Variants in ATP8A2 observed in about 807,000 individuals in gnomAD.
ATP8A2 encodes phospholipid-transporting ATPase IB.
In ATP8A2, 100 loss-of-function variants were observed where a neutral mutation model predicts 165.6. That is an observed-to-expected ratio of 0.60 (90% CI 0.51 to 0.71). The LOEUF (loss-of-function observed/expected upper bound fraction) is 0.71, where lower values mean the gene tolerates loss of function less well. Among genes scored for constraint, ATP8A2 ranks in the 30% least tolerant of loss-of-function variants. The pLI, the probability that ATP8A2 is intolerant of heterozygous loss-of-function variation, is 0.00. For synonymous variants in ATP8A2, 543 were observed against 548.8 expected (o/e 0.99, Z 0.15); for missense variants, 1,227 against 1,479.5 (o/e 0.83, Z 2.80).
At chr13:25,922,135 T>C (rs1954477834) in intron 33 of ATP8A2, among the ~76,000 whole-genome samples, 1 of 152,204 alleles carries the variant, frequency 6.6e-6, no homozygotes, top group Admixed American at 6.5e-5. Context: ...ACATCATCAA[T>C]AAAAGTTCTC....
At chr13:25,427,692 G>A (rs1280824019) in intron 1 of ATP8A2, among the ~76,000 whole-genome samples, 2 of 151,980 alleles carry the variant, frequency 1.3e-5, no homozygotes, top group Admixed American at 1.3e-4. Flanking sequence ...TCAAGAGATC[G>A]AGACCATGCT....
At chr13:25,879,377 G>A (rs1952907894) in intron 33 of ATP8A2, among the ~76,000 whole-genome samples, 1 of 152,128 alleles carries the variant, frequency 6.6e-6, no homozygotes, top group Non-Finnish European at 1.5e-5. Context: ...ATGCCAGCCA[G>A]GATCTTTGGT....
At chr13:25,970,695 A>G (rs574705794) in intron 35 of ATP8A2, among the ~76,000 whole-genome samples, 103 of 152,308 alleles carry the variant, frequency 6.8e-4, no homozygotes, top group Middle Eastern at 3.4e-3. Context: ...TGCCTGACCC[A>G]TCTCAGGTGT....
intron 24 of ATP8A2, among the ~76,000 whole-genome samples, chr13:25,672,391 C>T (rs1423534220): frequency 6.6e-6 from 1 of 152,160 alleles, no homozygotes; most frequent in African/African-American, 2.4e-5. Flanking sequence ...GGCTGCCTCT[C>T]ACAACATCAC....
At chr13:25,658,511 CACCTGTAATCCCAGCT>C (rs1240902900) in intron 24 of ATP8A2, among the ~76,000 whole-genome samples, 4 of 152,058 alleles carry the variant, frequency 2.6e-5, no homozygotes, top group Admixed American at 2.0e-4. Context: ...TGGTGGTGCG[CACCTGTAATCCCAGCT>C]ACTTGGGAGG....
In ATP8A2 at chr13:25,520,474, T is replaced by C. The variant is rs78365634; in HGVS notation, c.222-9525T>C. Among the ~76,000 whole-genome samples, 16 of 152,346 alleles carry C rather than the reference T, an allele frequency of 1.1e-4. No individual in the cohort carries two copies. In the East Asian group the frequency reaches 2.7e-3, roughly 26 times the overall value. ...TTTTGGCTACTGTAAATATGCTGAA[T>C]AGTGCTGCAATAAATATGACAGTGC... On this transcript the variant is annotated intron_variant, in intron 2 of 36. Coordinates refer to ENST00000381655, the MANE Select transcript of ATP8A2 (RefSeq NM_016529.6).
At chr13:25,443,869 T>C (rs1335925844) in intron 1 of ATP8A2, among the ~76,000 whole-genome samples, 1 of 152,244 alleles carries the variant, frequency 6.6e-6, no homozygotes, top group Non-Finnish European at 1.5e-5. Flanking sequence ...CATTGAGTGA[T>C]AGAATATTAT....
intron 1 of ATP8A2, among the ~76,000 whole-genome samples, chr13:25,419,981 T>C (rs191904029): frequency 2.2e-4 from 33 of 152,316 alleles, no homozygotes; most frequent in Non-Finnish European, 2.4e-4. Flanking sequence ...TGAATAGTTC[T>C]AGAAAGGAAT....
At chr13:25,438,013 C>G (rs748990012) in intron 1 of ATP8A2, among the ~76,000 whole-genome samples, 7 of 152,078 alleles carry the variant, frequency 4.6e-5, no homozygotes, top group Non-Finnish European at 8.8e-5. Flanking sequence ...TAGTCTTTTT[C>G]TAATTACAAA....
chr13:25,392,300 C>T (rs565612151), intron 1 of ATP8A2, among the ~76,000 whole-genome samples: 32 of 152,266 alleles, frequency 2.1e-4, no homozygotes, highest in African/African-American at 7.5e-4. Context: ...ATTTTGGGAC[C>T]CGAGTCATGT....
intron 24 of ATP8A2, among the ~76,000 whole-genome samples, chr13:25,681,305 C>T (rs1283865972): frequency 6.6e-6 from 1 of 152,190 alleles, no homozygotes; most frequent in East Asian, 1.9e-4. Context: ...TAGCCTGGAG[C>T]TTCTCCTGCA....
At chr13:25,902,841 C>T (rs1177373414) in intron 33 of ATP8A2, among the ~76,000 whole-genome samples, 1 of 151,970 alleles carries the variant, frequency 6.6e-6, no homozygotes, top group Admixed American at 6.6e-5. Flanking sequence ...AGTGAATTTC[C>T]AGTTTTCAGT....
At chr13:25,641,658 C>T (rs1465399803) in intron 24 of ATP8A2, among the ~76,000 whole-genome samples, 3 of 151,976 alleles carry the variant, frequency 2.0e-5, no homozygotes, top group Admixed American at 6.5e-5. Context: ...GAATCAATAT[C>T]ATGAAAATGG....
intron 2 of ATP8A2, among the ~76,000 whole-genome samples, chr13:25,483,956 C>A (rs944358515): frequency 6.6e-6 from 1 of 152,188 alleles, no homozygotes; most frequent in African/African-American, 2.4e-5. Flanking sequence ...TATTACTCTG[C>A]CCAAGAGTTA....
At chr13:25,462,814 G>T (rs372077729) in intron 1 of ATP8A2, among the ~76,000 whole-genome samples, 11 of 152,072 alleles carry the variant, frequency 7.2e-5, no homozygotes, top group African/African-American at 2.4e-4. Flanking sequence ...GTGCACAGAG[G>T]GGCCCACCAT....
chr13:25,578,676 C>T lies in ATP8A2; in HGVS notation c.1783-139C>T, dbSNP rs376040640. On this transcript the variant is annotated intron_variant, in intron 20 of 36. Coordinates refer to ENST00000381655, the MANE Select transcript of ATP8A2 (RefSeq NM_016529.6). ...GTTTTCCAAAGCTCATGCCTGAGCCCAGCCAAATGCTAAATTCCTACTTAC... is the reference window on the plus strand; with the variant it reads ...GTTTTCCAAAGCTCATGCCTGAGCCTAGCCAAATGCTAAATTCCTACTTAC... The T allele has an allele frequency of 2.2e-5, 15 of 683,776 alleles. No individual in the cohort carries two copies. In the East Asian group the frequency reaches 3.3e-4, roughly 15 times the overall value. The allele number at this position is 683,776 out of a possible 1,614,324, so 42.4% of individuals were successfully genotyped here. A position where few individuals can be genotyped will look rare whatever the true frequency, so the allele number is the denominator to read the frequency against.
chr13:25,742,786 T>C (rs2043945435), intron 25 of ATP8A2, among the ~76,000 whole-genome samples: 1 of 151,748 alleles, frequency 6.6e-6, no homozygotes, highest in African/African-American at 2.4e-5. Flanking sequence ...GAGGCAGTGT[T>C]TTGGGAAATG....
chr13:25,867,023 T>C (rs1437454186), intron 33 of ATP8A2, among the ~76,000 whole-genome samples: 1 of 152,226 alleles, frequency 6.6e-6, no homozygotes, highest in African/African-American at 2.4e-5. Flanking sequence ...CCTTTAAAGT[T>C]CTTTTCATTG....
intron 33 of ATP8A2, among the ~76,000 whole-genome samples, chr13:25,896,663 A>G (rs973813998): frequency 2.6e-5 from 4 of 152,096 alleles, no homozygotes; most frequent in Admixed American, 2.0e-4. Flanking sequence ...ATTGTGTGGG[A>G]GTCTAAGTCT....
Sources: gnomAD v4.1 joint callset for allele counts (sites outside exome capture counted in the v4.1 genomes callset) on GRCh38, gnomAD v4.1.1 for gene constraint, MANE v1.5 for transcripts, NCBI Gene and HGNC (gene_info 2026-07-23, HGNC 2026-07-21) for gene names.